The following STAB2 variants were observed in gnomAD, a reference collection of about 807,000 sequenced individuals.
STAB2 encodes stabilin-2.
In STAB2, 288 loss-of-function variants were observed where a neutral mutation model predicts 338.1. The observed-to-expected ratio is 0.85, with a 90% CI of 0.77 to 0.94. STAB2 has a LOEUF of 0.94. Among genes scored for constraint, STAB2 ranks in the 40% least tolerant of loss-of-function variants. STAB2 has a pLI of 0.00. For synonymous variants in STAB2, 1,202 were observed against 1,193.3 expected (o/e 1.01, Z -0.15); for missense variants, 3,141 against 3,210.1 (o/e 0.98, Z 0.52).
Position 103,755,676 on chromosome 12 carries a change from G to C in STAB2, c.6945G>C (p.Leu2315=). The C allele has an allele frequency of 1.2e-6, 2 of 1,614,174 alleles. No individual in the cohort carries two copies. Among genetic ancestry groups the C allele is most frequent in the East Asian group, 4.5e-5 (2 of 44,864 alleles). ...GCTTCTCATGCAGTGGGAACCTGCT[G>C]CAGGTCCTGATGTCCTTCCCCTCAC... ...GDGFSCSGNL[L]QVLMSFPSLT... The change falls in exon 63 of 69, where the codon CTG becomes CTC. Residue 2315 remains leucine, a synonymous_variant. Transcript: ENST00000388887.
chr12:103,692,615 G>A (rs116630230), intron 30 of STAB2, among the ~76,000 whole-genome samples, 197 bp from the exon 31 acceptor site: 1,719 of 144,332 alleles, frequency 0.012, 29 homozygotes, highest in African/African-American at 0.039. Context: ...GTGTGTGTGC[G>A]TGTGCACGTG....
chr12:103,589,082 G>A (rs1276748671), intron 1 of STAB2, among the ~76,000 whole-genome samples: 1 of 152,226 alleles, frequency 6.6e-6, no homozygotes, highest in Non-Finnish European at 1.5e-5. Context: ...AAATGAGGAT[G>A]ATGATACCTG....
chr12:103,712,158 G>A (rs936401809), intron 40 of STAB2, among the ~76,000 whole-genome samples: 16 of 152,178 alleles, frequency 1.1e-4, no homozygotes, highest in Admixed American at 9.8e-4. Context: ...ATCTATGCAC[G>A]CTGTAGTTTG....
chr12:103,617,758 C>T (rs1004540012), intron 3 of STAB2, among the ~76,000 whole-genome samples: 4 of 152,194 alleles, frequency 2.6e-5, no homozygotes, highest in African/African-American at 9.6e-5. Context: ...TGCCTGTTAC[C>T]TGAGCTGTTG....
chr12:103,731,755 G>T (rs532518167), intron 50 of STAB2, 120 bp downstream of exon 50: 2 of 966,838 alleles, frequency 2.1e-6, no homozygotes, highest in Admixed American at 5.0e-5. Flanking sequence ...GATCTGCATG[G>T]GGAAGTCTCA....
chr12:103,713,871 G>A (rs1189399527), intron 42 of STAB2, 103 bp downstream of exon 42: 1 of 1,533,196 alleles, frequency 6.5e-7, no homozygotes, highest in South Asian at 1.2e-5. Flanking sequence ...CAAAACTGAG[G>A]TCAGTATTCC....
intron 58 of STAB2, 137 bp downstream of exon 58, chr12:103,746,841 C>A: frequency 1.3e-6 from 1 of 772,806 alleles, no homozygotes; most frequent in Non-Finnish European, 2.2e-6. Context: ...CTCTATGACT[C>A]AGTTTCTTTA....
chr12:103,602,311 A>G (rs1308199505), intron 3 of STAB2, among the ~76,000 whole-genome samples: 1 of 152,148 alleles, frequency 6.6e-6, no homozygotes, highest in Non-Finnish European at 1.5e-5. Context: ...TCTTTCCTTT[A>G]TAATCCTTTG....
chr12:103,641,100 G>A (rs948882618), intron 9 of STAB2, among the ~76,000 whole-genome samples: 1 of 152,200 alleles, frequency 6.6e-6, no homozygotes, highest in African/African-American at 2.4e-5. Context: ...GCCATTGTGA[G>A]CTCAAAACCA....
chr12:103,601,240 G>A (rs926453419), intron 3 of STAB2, among the ~76,000 whole-genome samples: 6 of 151,692 alleles, frequency 4.0e-5, no homozygotes, highest in Non-Finnish European at 5.9e-5. Context: ...TAAAATAACA[G>A]CAACAACAAT....
chr12:103,654,448 C>A, intron 12 of STAB2, 107 bp from the exon 13 acceptor site: 2 of 1,216,464 alleles, frequency 1.6e-6, no homozygotes, highest in Non-Finnish European at 2.2e-6. Flanking sequence ...AATCACATTG[C>A]CAATAAATAT....
chr12:103,745,890 AGGT>A, intron 57 of STAB2, among the ~76,000 whole-genome samples: 1 of 152,264 alleles, frequency 6.6e-6, no homozygotes, highest in East Asian at 1.9e-4. Context: ...GATCCTTACT[AGGT>A]GGTCAGTTTT....
chr12:103,692,293 T>C (rs1329098253), intron 30 of STAB2, among the ~76,000 whole-genome samples: 1 of 152,208 alleles, frequency 6.6e-6, no homozygotes, highest in African/African-American at 2.4e-5. Context: ...GGGTCCACCC[T>C]AAGGACCTCA....
Position 103,692,875 on chromosome 12 carries a change from C to A in STAB2, c.3361C>A (p.His1121Asn). ...CAACGCAGCCACAAATGGAGTGATA[C>A]ACATCATCAACAAGGTACAAGATTC... Reference protein sequence around the residue: ...GDNAATNGVIHIINKVLVPQR... With the variant: ...GDNAATNGVINIINKVLVPQR... The change falls in exon 31 of 69, where the codon CAC becomes AAC. Residue 1121 changes from histidine (H) to asparagine (N), a missense_variant. Transcript: ENST00000388887. The A allele has an allele frequency of 6.2e-7, 1 of 1,613,190 alleles. No individual in the cohort carries two copies. The highest frequency in any genetic ancestry group is 1.3e-5 in the African/African-American group (1 of 75,016).
chr12:103,688,207 T>C lies in STAB2; in HGVS notation c.3037T>C (p.Trp1013Arg), dbSNP rs368162151. The change falls in exon 28 of 69, where the codon TGG becomes CGG. Residue 1013 changes from tryptophan to arginine, a missense_variant. By Grantham distance (101) the Trp-to-Arg change is moderately radical. Transcript: ENST00000388887. ...CTCCGAAGCAGCTATATTTAACCGA[T>C]GGATAAATGTGAGTACCTTTATTGG... ...FLSEAAIFNR[W>R]INNASLQPTL... The C allele has an allele frequency of 1.9e-6, 3 of 1,613,404 alleles. No individual in the cohort carries two copies. Among genetic ancestry groups the C allele is most frequent in the Non-Finnish European group, 2.5e-6 (3 of 1,179,466 alleles).
At chr12:103,753,380 GCAGA>G (rs748737640) in intron 61 of STAB2, 27 bp downstream of exon 61, 27 of 1,613,922 alleles carry the variant, frequency 1.7e-5, no homozygotes, top group Non-Finnish European at 2.2e-5. Context: ...CAGATTCTGT[GCAGA>G]CAGAGTCTGC....
intron 63 of STAB2, chr12:103,757,859 T>C (rs1884249317): frequency 2.7e-6 from 1 of 372,290 alleles, no homozygotes; most frequent in Non-Finnish European, 5.1e-6. Flanking sequence ...TTCCTCTGAG[T>C]GAAGTGGGGG....
intron 18 of STAB2, 47 bp from the exon 19 acceptor site, chr12:103,666,244 T>C (rs764389823): frequency 6.3e-7 from 1 of 1,586,664 alleles, no homozygotes; most frequent in Non-Finnish European, 8.6e-7. Context: ...TCGCCACTGC[T>C]CCCTCTCATA....
rs1879179206 is a variant in STAB2, at chr12:103,704,601, G to A, written c.3887G>A (p.Gly1296Glu). The A allele has an allele frequency of 1.9e-6, 3 of 1,613,652 alleles. No homozygotes were observed. ...TCCTCAGAGCTGACCTGCCCATTCG[G>A]AACTAAATCTCTAGTAAGTACTTTG... ...TCSSELTCPFGTKSLGNEKRR... is the reference protein window; with the variant it reads ...TCSSELTCPFETKSLGNEKRR... Residue 1296 changes from glycine (G) to glutamate (E), a missense_variant, in exon 36 of 69, where the codon GGA becomes GAA. Coordinates refer to ENST00000388887, the MANE Select transcript of STAB2 (RefSeq NM_017564.10).
Sources: allele counts gnomAD v4.1 joint callset (sites outside exome capture counted in the v4.1 genomes callset), GRCh38; gene constraint gnomAD v4.1.1; transcripts MANE v1.5; gene names NCBI Gene and HGNC (gene_info 2026-07-23, HGNC 2026-07-21).